The following RNFT2 variants were observed in gnomAD, a reference collection of about 807,000 sequenced individuals.
RNFT2 encodes ring finger protein, transmembrane 2.
A neutral mutation model predicts 53.0 loss-of-function variants in RNFT2; 36 were observed. The ratio of observed to expected loss-of-function variants is 0.68; its 90% CI spans 0.52 to 0.90. The LOEUF is 0.90. Ranked by LOEUF, RNFT2 falls within the 40% of genes least tolerant of loss-of-function variation. RNFT2 has a pLI of 0.00. For synonymous variants in RNFT2, 260 were observed against 253.2 expected (o/e 1.03, Z -0.26); for missense variants, 514 against 585.6 (o/e 0.88, Z 1.26).
intron 7 of RNFT2, among the ~76,000 whole-genome samples, chr12:116,809,370 G>T (rs1334338705): frequency 6.6e-6 from 1 of 152,152 alleles, no homozygotes; most frequent in East Asian, 1.9e-4. Context: ...TGAGGTTTCG[G>T]CAACTCCTTC....
Position 116,755,271 on chromosome 12 carries a change from A to G in RNFT2, c.627+1211A>G, listed in dbSNP as rs927796404. On this transcript the variant is annotated intron_variant, in intron 5 of 10. Transcript: ENST00000257575. ...CCTTTCCCCACTTTATGTTTTTGTT[A>G]TGTTCAGTTAGCTGTAAGTATTTTG... 4.8e-6 allele frequency: 3 copies of G among 625,760 alleles called. No individual in the cohort carries two copies. In the African/African-American group the frequency reaches 5.6e-5, roughly 12 times the overall value. 38.8% of individuals were successfully genotyped at this position (625,760 alleles called of 1,614,324 possible). A position where few individuals can be genotyped will look rare whatever the true frequency, so the allele number is the denominator to read the frequency against.
chr12:116,814,478 T>C (rs1192126121), intron 7 of RNFT2, among the ~76,000 whole-genome samples: 1 of 151,788 alleles, frequency 6.6e-6, no homozygotes, highest in Admixed American at 6.6e-5. Context: ...GAGTGTGCCA[T>C]GTGGATATGT....
intron 7 of RNFT2, among the ~76,000 whole-genome samples, chr12:116,782,457 T>A (rs1291927039): frequency 1.3e-5 from 2 of 152,002 alleles, no homozygotes; most frequent in Non-Finnish European, 2.9e-5. Context: ...AGGCCAGGAG[T>A]TCCAGGCTTC....
At chr12:116,843,492 CAAAAAAAAA>C (rs35687933) in intron 10 of RNFT2, among the ~76,000 whole-genome samples, 1 of 65,132 alleles carries the variant, frequency 1.5e-5, no homozygotes, top group African/African-American at 6.4e-5. Context: ...GACTGTGTCT[CAAAAAAAAA>C]AAAAAAAAAA....
chr12:116,743,252 A>G (rs1270571157), intron 3 of RNFT2, among the ~76,000 whole-genome samples: 3 of 143,228 alleles, frequency 2.1e-5, no homozygotes, highest in Non-Finnish European at 3.0e-5. Flanking sequence ...AAACCGGTTA[A>G]AAAACACTCA....
Position 116,833,713 on chromosome 12 carries a change from C to A in RNFT2, c.883-79C>A, listed in dbSNP as rs1257504485. The A allele has an allele frequency of 1.1e-5, 16 of 1,461,472 alleles. No individual in the cohort carries two copies. The East Asian group carries it at 3.6e-4, about 32-fold the overall frequency. The allele number at this position is 1,461,472 out of a possible 1,614,324, so 90.5% of individuals were successfully genotyped here. On this transcript the variant is annotated intron_variant, in intron 7 of 10. Coordinates refer to ENST00000257575, the MANE Select transcript of RNFT2 (RefSeq NM_001382266.1). ...CCTGTGACCTAGAATGTCATCACTG[C>A]CCGGGGCGGGGGGCCCCCCAGCTGG...
intron 7 of RNFT2, among the ~76,000 whole-genome samples, chr12:116,830,312 G>A (rs1427583929): frequency 6.6e-6 from 1 of 152,010 alleles, no homozygotes; most frequent in Non-Finnish European, 1.5e-5. Context: ...TTTCGAGACA[G>A]GGTCTTACTC....
intron 6 of RNFT2, among the ~76,000 whole-genome samples, chr12:116,775,496 T>C (rs1420462935): frequency 6.6e-6 from 1 of 152,160 alleles, no homozygotes; most frequent in Non-Finnish European, 1.5e-5. Context: ...CTTCTCAGGA[T>C]TTGATGTCTG....
At chr12:116,745,173 A>ATTTTTTTT (rs10637816) in intron 3 of RNFT2, among the ~76,000 whole-genome samples, 1 of 125,076 alleles carries the variant, frequency 8.0e-6, no homozygotes, top group Admixed American at 8.7e-5. Context: ...ATTGCACCAG[A>ATTTTTTTT]TTTTTTTTTT....
intron 7 of RNFT2, among the ~76,000 whole-genome samples, chr12:116,784,194 T>C (rs976788407): frequency 6.6e-6 from 1 of 152,246 alleles, no homozygotes; most frequent in African/African-American, 2.4e-5. Flanking sequence ...GATTCACTTC[T>C]GTAAGTAGAC....
In RNFT2 at chr12:116,766,688, TTTCACC is replaced by T. The variant is rs1872927597; in HGVS notation, c.628-121_628-116del. ...AATAGAAAGGTGCCAATGCCCTTCC[TTTCACC>T]TTCAGCACCACTTCCTTCAAAATGT... On this transcript the variant is annotated intron_variant, in intron 5 of 10. Coordinates refer to ENST00000257575, the MANE Select transcript of RNFT2 (RefSeq NM_001382266.1). The T allele has an allele frequency of 2.9e-5, 21 of 730,726 alleles. No individual in the cohort carries two copies. The South Asian group carries it at 3.7e-4, about 13-fold the overall frequency. The allele number at this position is 730,726 out of a possible 1,614,324, so 45.3% of individuals were successfully genotyped here.
chr12:116,825,583 T>C (rs1876282691), intron 7 of RNFT2, among the ~76,000 whole-genome samples: 1 of 152,218 alleles, frequency 6.6e-6, no homozygotes, highest in African/African-American at 2.4e-5. Context: ...GAGCCAATGG[T>C]TACATTTTCA....
At chr12:116,770,851 G>T (rs1468570439) in intron 6 of RNFT2, among the ~76,000 whole-genome samples, 1 of 152,066 alleles carries the variant, frequency 6.6e-6, no homozygotes, top group African/African-American at 2.4e-5. Context: ...ATTGTGACCA[G>T]CTTTTTCTTT....
intron 7 of RNFT2, among the ~76,000 whole-genome samples, chr12:116,819,352 G>A (rs1238158055): frequency 6.6e-6 from 1 of 152,134 alleles, no homozygotes; most frequent in Non-Finnish European, 1.5e-5. Flanking sequence ...TACCGGCGCG[G>A]GACGCCCGGA....
rs1279426907 is a variant in RNFT2 at position 116,853,154 on chromosome 12, A to G, written c.*3706A>G. 5 of 410,968 alleles carry G rather than the reference A, an allele frequency of 1.2e-5. No homozygotes were observed. The highest frequency in any genetic ancestry group is 1.1e-4 in the South Asian group (1 of 9,088). 25.5% of individuals were successfully genotyped at this position (410,968 alleles called of 1,614,324 possible). A position where few individuals can be genotyped will look rare whatever the true frequency, so the allele number is the denominator to read the frequency against. ...GAGGAGTGTTTCCAACACAGGCTACATGAATTCCCCTATACCAGTGCGAAA... is the reference window on the plus strand; with the variant it reads ...GAGGAGTGTTTCCAACACAGGCTACGTGAATTCCCCTATACCAGTGCGAAA... On this transcript the variant is annotated 3_prime_UTR_variant, in exon 11 of 11. Transcript: ENST00000257575.
chr12:116,793,228 T>TA (rs1874338269), intron 7 of RNFT2, among the ~76,000 whole-genome samples: 1 of 150,460 alleles, frequency 6.6e-6, no homozygotes, highest in Non-Finnish European at 1.5e-5. Context: ...TTTTTTTTTT[T>TA]TGAGGCAGGG....
Position 116,849,360 on chromosome 12 carries a change from G to C in RNFT2, c.1247G>C (p.Arg416Pro). The change falls in exon 11 of 11, where the codon CGC becomes CCC. Residue 416 changes from arginine to proline, a missense_variant. This residue lies in a region of RNFT2 where 273 missense variants were observed against 334.4 expected (regional missense o/e 0.82). Transcript: ENST00000257575. ...CTCTGCCTGTGGCTGGACCGTGAGC[G>C]CACCTGCCCGCTCTGCCGCTCGGTC... ...ECLCLWLDRE[R>P]TCPLCRSVAV... 3 of 1,547,370 alleles carry C rather than the reference G, an allele frequency of 1.9e-6. No individual in the cohort carries two copies. Among genetic ancestry groups the C allele is most frequent in the African/African-American group, 1.4e-5 (1 of 73,310 alleles).
At chr12:116,774,699 G>A (rs1313796942) in intron 6 of RNFT2, among the ~76,000 whole-genome samples, 3 of 151,848 alleles carry the variant, frequency 2.0e-5, no homozygotes, top group South Asian at 4.2e-4. Flanking sequence ...AGCAATTTGA[G>A]GACTCAGTTC....
chr12:116,852,797 G>T lies in RNFT2; in HGVS notation c.*3349G>T. 6.1e-6 allele frequency: 8 copies of T among 1,311,978 alleles called. No individual in the cohort carries two copies. The South Asian group carries it at 7.1e-5, about 12-fold the overall frequency. 81.3% of individuals were successfully genotyped at this position (1,311,978 alleles called of 1,614,324 possible). A position where few individuals can be genotyped will look rare whatever the true frequency, so the allele number is the denominator to read the frequency against. On this transcript the variant is annotated 3_prime_UTR_variant, in exon 11 of 11. Coordinates refer to ENST00000257575, the MANE Select transcript of RNFT2 (RefSeq NM_001382266.1). ...CTTTGGGAAGTCACTCAGCCTCCCTGTAGCCATCTCCAGGGTGACGGAACC... is the reference window on the plus strand; with the variant it reads ...CTTTGGGAAGTCACTCAGCCTCCCTTTAGCCATCTCCAGGGTGACGGAACC...
Sources: gnomAD v4.1 joint callset for allele counts (sites outside exome capture counted in the v4.1 genomes callset) on GRCh38, gnomAD v4.1.1 for gene constraint, gnomAD v4.1.1 regional missense constraint, MANE v1.5 for transcripts, NCBI Gene and HGNC (gene_info 2026-07-23, HGNC 2026-07-21) for gene names.